The following SRBD1 variants were observed in gnomAD, a reference collection of about 807,000 sequenced individuals.
The protein encoded by SRBD1 is S1 RNA-binding domain-containing protein 1.
Under a neutral mutation model 115.3 loss-of-function variants are expected in SRBD1, and 88 were observed. The ratio of observed to expected loss-of-function variants is 0.76; its 90% CI spans 0.64 to 0.91. The LOEUF is 0.91. Ranked by LOEUF, SRBD1 falls within the 40% of genes least tolerant of loss-of-function variation. The probability of loss-of-function intolerance (pLI) is 0.00; values close to 1 mark genes in which losing one functional copy is unlikely to be tolerated. For synonymous variants in SRBD1, 509 were observed against 407.7 expected, an observed-to-expected ratio of 1.25 and a Z score of -2.99; for missense variants, 1,385 against 1,177.4, an observed-to-expected ratio of 1.18 and a Z score of -2.58.
At chr2:45,429,009 C>T (rs1284369582) in intron 16 of SRBD1, among the ~76,000 whole-genome samples, 1 of 152,176 alleles carries the variant, frequency 6.6e-6, no homozygotes, top group East Asian at 1.9e-4. Context: ...TCAGAGAATA[C>T]TATAAACACC....
intron 16 of SRBD1, among the ~76,000 whole-genome samples, chr2:45,474,262 TG>T (rs1282465486): frequency 6.6e-6 from 1 of 152,254 alleles, no homozygotes; most frequent in East Asian, 1.9e-4. Context: ...GTGCCTCATT[TG>T]TCTACCATAG....
chr2:45,398,795 T>C (rs751123560), intron 19 of SRBD1, among the ~76,000 whole-genome samples: 34 of 152,150 alleles, frequency 2.2e-4, no homozygotes, highest in Non-Finnish European at 4.4e-4. Flanking sequence ...ACCAATGCCA[T>C]ACACAACCAC....
chr2:45,468,811 G>T (rs1194143300), intron 16 of SRBD1, among the ~76,000 whole-genome samples: 1 of 152,116 alleles, frequency 6.6e-6, no homozygotes, highest in Non-Finnish European at 1.5e-5. Context: ...TTAACTTCCA[G>T]TGCTCTCCAA....
intron 16 of SRBD1, among the ~76,000 whole-genome samples, chr2:45,456,476 T>C (rs1402531950): frequency 6.6e-6 from 1 of 151,934 alleles, no homozygotes; most frequent in Non-Finnish European, 1.5e-5. Flanking sequence ...CAAATGTTTA[T>C]TCAGAATTGA....
chr2:45,591,381 T>C (rs1443761546), intron 4 of SRBD1, among the ~76,000 whole-genome samples: 1 of 152,180 alleles, frequency 6.6e-6, no homozygotes, highest in Non-Finnish European at 1.5e-5. Context: ...TACCAAATTA[T>C]CTTAAAAACT....
intron 16 of SRBD1, among the ~76,000 whole-genome samples, chr2:45,426,167 G>A (rs1031805942): frequency 2.6e-5 from 4 of 152,154 alleles, no homozygotes; most frequent in Admixed American, 1.3e-4. Flanking sequence ...GGTGGGGGGA[G>A]AGGCACCCAT....
chr2:45,477,004 C>T lies in SRBD1; in HGVS notation c.2038G>A (p.Gly680Arg). The T allele has an allele frequency of 1.9e-6, 3 of 1,613,582 alleles. No homozygotes were observed. The highest frequency in any genetic ancestry group is 2.5e-6 in the Non-Finnish European group (3 of 1,179,780). Reference sequence around the variant, plus strand: ...CCACATAGCTTTACCTGATACATTCCAACTCCAATGTGCTTTGGCTCAATT... The same window carrying T: ...CCACATAGCTTTACCTGATACATTCTAACTCCAATGTGCTTTGGCTCAATT... ...VKIEPKHIGV[G>R]MYQHDVSQTL... The change falls in exon 16 of 21, where the codon GGA (glycine) becomes AGA (arginine). Residue 680 changes from glycine (G) to arginine (R), a missense_variant. Gly to Arg is a moderately radical substitution (Grantham distance 125, BLOSUM62 -2). Coordinates refer to ENST00000263736, the MANE Select transcript of SRBD1 (RefSeq NM_018079.5).
chr2:45,508,199 G>A (rs1670855271), intron 14 of SRBD1, among the ~76,000 whole-genome samples: 2 of 152,024 alleles, frequency 1.3e-5, no homozygotes, highest in South Asian at 4.1e-4. Flanking sequence ...AGCTAAAGCT[G>A]TGTTCTTGAA....
At chr2:45,432,754 G>A (rs1004399813) in intron 16 of SRBD1, among the ~76,000 whole-genome samples, 2 of 152,004 alleles carry the variant, frequency 1.3e-5, no homozygotes, top group South Asian at 2.1e-4. Flanking sequence ...TCTCTCTTTC[G>A]AATTCAAGGA....
At chr2:45,607,531 C>A (rs1184654097) in intron 1 of SRBD1, among the ~76,000 whole-genome samples, 1 of 151,870 alleles carries the variant, frequency 6.6e-6, no homozygotes, top group Non-Finnish European at 1.5e-5. Flanking sequence ...AATTCCAAAA[C>A]CAAAAAGACT....
chr2:45,449,166 T>C (rs143013374), intron 16 of SRBD1, among the ~76,000 whole-genome samples: 27 of 152,328 alleles, frequency 1.8e-4, no homozygotes, highest in South Asian at 1.4e-3. Context: ...GGTAACACTA[T>C]AAAAACATGT....
At chr2:45,447,036 A>G (rs900794315) in intron 16 of SRBD1, 2 of 152,198 alleles carry the variant, frequency 1.3e-5, no homozygotes, top group East Asian at 3.8e-4. Context: ...TCTATGTACT[A>G]CTAGTGTAAT....
intron 9 of SRBD1, among the ~76,000 whole-genome samples, chr2:45,566,531 G>A (rs1458026817): frequency 6.6e-6 from 1 of 152,176 alleles, no homozygotes; most frequent in Non-Finnish European, 1.5e-5. Context: ...AAAGTTGGCT[G>A]CCTAGAGCTT....
At chr2:45,571,949 C>A (rs530839127) in intron 9 of SRBD1, among the ~76,000 whole-genome samples, 2 of 151,888 alleles carry the variant, frequency 1.3e-5, no homozygotes, top group African/African-American at 4.8e-5. Context: ...GAGAGAAAGG[C>A]GCAGAAAGGA....
At chr2:45,547,967 T>G (rs1003029784) in intron 12 of SRBD1, among the ~76,000 whole-genome samples, 11 of 152,320 alleles carry the variant, frequency 7.2e-5, no homozygotes, top group Admixed American at 7.2e-4. Flanking sequence ...TATTTCTTTT[T>G]TTCTGGTTGT....
Position 45,562,756 on chromosome 2 carries a change from T to C in SRBD1, c.1306A>G (p.Ile436Val), listed in dbSNP as rs201251846. The change falls in exon 10 of 21, where the codon ATT becomes GTT. Residue 436 changes from isoleucine to valine, a missense_variant and splice_region_variant. Physicochemically the swap from Ile to Val is conservative, Grantham distance 29. Transcript: ENST00000263736. ...CNIRNIHHHQ[I>V]LAINRGENLK... is the part of the protein sequence containing the mutation. ...TTTTCTCCACGGTTAATTGCCAGAA[T>C]CTGAGTGCAAACATAAGGCAAAGAC... is the stretch of plus-strand genomic sequence containing the variant. 111 of 1,602,094 alleles carry C rather than the reference T, an allele frequency of 6.9e-5. No homozygotes were observed. Among genetic ancestry groups the C allele is most frequent in the Admixed American group, 3.5e-5 (2 of 57,072 alleles).
chr2:45,489,447 A>C (rs1282404869), intron 14 of SRBD1, among the ~76,000 whole-genome samples: 1 of 152,146 alleles, frequency 6.6e-6, no homozygotes, highest in African/African-American at 2.4e-5. Flanking sequence ...TTCTTGAATA[A>C]ATTTTTATGA....
chr2:45,603,052 A>T (rs1674149341), intron 2 of SRBD1, among the ~76,000 whole-genome samples: 1 of 152,210 alleles, frequency 6.6e-6, no homozygotes, highest in African/African-American at 2.4e-5. Context: ...AGAAACTATA[A>T]TTAGAAAACC....
intron 14 of SRBD1, among the ~76,000 whole-genome samples, chr2:45,506,371 G>T (rs1363813263): frequency 6.6e-6 from 1 of 152,130 alleles, no homozygotes; most frequent in Non-Finnish European, 1.5e-5. Context: ...CAGGAGCCAG[G>T]ACTTTACTTG....
Sources: allele counts gnomAD v4.1 joint callset (sites outside exome capture counted in the v4.1 genomes callset), GRCh38; gene constraint gnomAD v4.1.1; transcripts MANE v1.5; gene names NCBI Gene and HGNC (gene_info 2026-07-23, HGNC 2026-07-21).